Variants in FNBP1L observed in about 807,000 individuals in gnomAD.
FNBP1L encodes the protein formin-binding protein 1-like.
FNBP1L carries 36 observed loss-of-function variants against 91.2 expected under a neutral mutation model. The ratio of observed to expected loss-of-function variants is 0.39; its 90% CI spans 0.30 to 0.52. FNBP1L has a LOEUF of 0.52. Ranked by LOEUF, FNBP1L falls within the 20% of genes least tolerant of loss-of-function variation. The pLI, the probability that FNBP1L is intolerant of heterozygous loss-of-function variation, is 0.66. For synonymous variants in FNBP1L, 242 were observed against 237.0 expected, an observed-to-expected ratio of 1.02 and a Z score of -0.19; for missense variants, 571 against 732.1, an observed-to-expected ratio of 0.78 and a Z score of 2.54.
At chr1:93,544,960 C>T (rs887773031) in intron 12 of FNBP1L, among the ~76,000 whole-genome samples, 7 of 152,126 alleles carry the variant, frequency 4.6e-5, no homozygotes, top group African/African-American at 1.7e-4. Flanking sequence ...TAGGGAGATA[C>T]AGGGTTAGGT....
chr1:93,546,336 T>G (rs1672234284), intron 12 of FNBP1L, among the ~76,000 whole-genome samples: 1 of 151,980 alleles, frequency 6.6e-6, no homozygotes, highest in African/African-American at 2.4e-5. Context: ...GTAATATGAT[T>G]AGAGAATAGG....
intron 2 of FNBP1L, among the ~76,000 whole-genome samples, chr1:93,515,430 A>G (rs1172201134): frequency 6.6e-6 from 1 of 151,992 alleles, no homozygotes; most frequent in Non-Finnish European, 1.5e-5. Context: ...TACCCAAAGG[A>G]CTATAAATCA....
chr1:93,464,208 T>G (rs1366268316), intron 1 of FNBP1L, among the ~76,000 whole-genome samples: 1 of 152,230 alleles, frequency 6.6e-6, no homozygotes, highest in Non-Finnish European at 1.5e-5. Context: ...ATTCAGCAAT[T>G]TCACTTCTGA....
chr1:93,543,990 G>GTCATTAAAAA, intron 11 of FNBP1L, 117 bp from the exon 12 acceptor site: 1 of 568,118 alleles, frequency 1.8e-6, no homozygotes, highest in South Asian at 5.2e-5. Flanking sequence ...GGGGTTGCTT[G>GTCATTAAAAA]AGGCAAATTT....
At chr1:93,523,765 G>T (rs772767567) in intron 4 of FNBP1L, among the ~76,000 whole-genome samples, 11 of 152,072 alleles carry the variant, frequency 7.2e-5, no homozygotes, top group Non-Finnish European at 1.0e-4. Context: ...TTTTTAGATG[G>T]TTGAAAAAAG....
chr1:93,508,545 A>G (rs1670710766), intron 2 of FNBP1L, among the ~76,000 whole-genome samples: 1 of 152,008 alleles, frequency 6.6e-6, no homozygotes, highest in African/African-American at 2.4e-5. Context: ...TCACCTATAG[A>G]TGTGTGAGTT....
chr1:93,493,134 T>G (rs922323511), intron 1 of FNBP1L, among the ~76,000 whole-genome samples: 1 of 152,044 alleles, frequency 6.6e-6, no homozygotes, highest in Non-Finnish European at 1.5e-5. Context: ...CTTGGTGATA[T>G]GCGCCTATAG....
intron 1 of FNBP1L, among the ~76,000 whole-genome samples, chr1:93,454,158 T>C (rs1668581770): frequency 6.6e-6 from 1 of 152,218 alleles, no homozygotes; most frequent in African/African-American, 2.4e-5. Flanking sequence ...CTGACATTAG[T>C]AGGGTCTTTA....
intron 12 of FNBP1L, among the ~76,000 whole-genome samples, chr1:93,544,447 A>C (rs1400363181): frequency 6.6e-6 from 1 of 152,120 alleles, no homozygotes; most frequent in Non-Finnish European, 1.5e-5. Flanking sequence ...ATTAATTTGC[A>C]AAAAATTTCT....
chr1:93,548,057 T>C (rs1220532351), intron 14 of FNBP1L, among the ~76,000 whole-genome samples: 1 of 152,176 alleles, frequency 6.6e-6, no homozygotes, highest in East Asian at 1.9e-4. Context: ...TCCTGAAATA[T>C]AAAATGGAGG....
chr1:93,465,912 A>G (rs1228922451), intron 1 of FNBP1L, among the ~76,000 whole-genome samples: 1 of 152,172 alleles, frequency 6.6e-6, no homozygotes, highest in Non-Finnish European at 1.5e-5. Flanking sequence ...GGCGTGAGAT[A>G]GTATCTCATT....
intron 8 of FNBP1L, among the ~76,000 whole-genome samples, chr1:93,533,856 G>T (rs1671762228): frequency 1.3e-5 from 2 of 152,056 alleles, no homozygotes; most frequent in Admixed American, 1.3e-4. Context: ...TTACCCTTTA[G>T]CAAATTATTG....
intron 2 of FNBP1L, among the ~76,000 whole-genome samples, chr1:93,509,414 C>T (rs186655134): frequency 2.6e-5 from 4 of 152,270 alleles, no homozygotes; most frequent in East Asian, 3.9e-4. Context: ...GAATTGGCCA[C>T]GTCGTTCTAC....
At position 93,499,512 on chromosome 1, in the gene FNBP1L, C is replaced by T. The variant is rs369061404; in HGVS notation, c.69C>T (p.Asp23=). The T allele has an allele frequency of 5.6e-6, 9 of 1,606,258 alleles. No individual in the cohort carries two copies. Among genetic ancestry groups the T allele is most frequent in the South Asian group, 4.5e-5 (4 of 88,920 alleles). Reference sequence around the variant, plus strand: ...ACAAGCATACACAATGGGGAATTGACTTCTTGGAAAGATATGCCAAATTTG... The same window carrying T: ...ACAAGCATACACAATGGGGAATTGATTTCTTGGAAAGATATGCCAAATTTG... ...SLDKHTQWGI[D]FLERYAKFVK... is the part of the protein sequence containing the mutation. The change falls in exon 2 of 17, where the codon GAC becomes GAT. Residue 23 remains aspartate (D), a synonymous_variant. Transcript: ENST00000271234.
rs543823237 is a variant in FNBP1L at position 93,544,683 on chromosome 1, A to T, written c.1274+467A>T. 3.1e-3 allele frequency among the ~76,000 whole-genome samples: 467 copies of T among 152,238 alleles called. 1 individual carries two copies. The highest frequency in any genetic ancestry group is 0.014 in the South Asian group (66 of 4,830). On this transcript the variant is annotated intron_variant, in intron 12 of 16. Coordinates refer to ENST00000271234, the MANE Select transcript of FNBP1L (RefSeq NM_001164473.3). ...GACGTTTCCTCTAGTTTAATTTTTT[A>T]AAAATAGACATAGAAGAATTATTCA...
chr1:93,499,526 A>G lies in FNBP1L; in HGVS notation c.83A>G (p.Tyr28Cys). The G allele has an allele frequency of 6.2e-7, 1 of 1,606,408 alleles. No homozygotes were observed. The highest frequency in any genetic ancestry group is 8.5e-7 in the Non-Finnish European group (1 of 1,176,626). Residue 28 changes from tyrosine to cysteine, a missense_variant, in exon 2 of 17, where the codon TAT becomes TGT. Physicochemically the swap from Tyr to Cys is radical, Grantham distance 194 (BLOSUM62 -2). Transcript: ENST00000271234. ...TGGGGAATTGACTTCTTGGAAAGAT[A>G]TGCCAAATTTGTTAAAGAGAGGATA... ...TQWGIDFLERYAKFVKERIEI... is the reference protein window; with the variant it reads ...TQWGIDFLERCAKFVKERIEI...
At chr1:93,515,631 T>A (rs1264772044) in intron 2 of FNBP1L, among the ~76,000 whole-genome samples, 1 of 151,606 alleles carries the variant, frequency 6.6e-6, no homozygotes, top group African/African-American at 2.4e-5. Flanking sequence ...TGGATGAAAT[T>A]GGAAATCATC....
At chr1:93,491,492 C>T (rs1670088642) in intron 1 of FNBP1L, among the ~76,000 whole-genome samples, 7 of 152,042 alleles carry the variant, frequency 4.6e-5, no homozygotes, top group Admixed American at 4.6e-4. Flanking sequence ...TAGGCTCAAG[C>T]TGTCCTCCCA....
intron 1 of FNBP1L, among the ~76,000 whole-genome samples, chr1:93,497,054 G>GGTA (rs1163520581): frequency 2.6e-5 from 4 of 152,020 alleles, no homozygotes; most frequent in African/African-American, 4.8e-5. Context: ...TCTACCTACT[G>GGTA]GGTTCATGCC....
Sources: allele counts gnomAD v4.1 joint callset (sites outside exome capture counted in the v4.1 genomes callset), GRCh38; gene constraint gnomAD v4.1.1; transcripts MANE v1.5; gene names NCBI Gene and HGNC (gene_info 2026-07-23, HGNC 2026-07-21).